Variants in ITIH2 observed in about 807,000 individuals in gnomAD.
ITIH2 encodes the protein inter-alpha-trypsin inhibitor heavy chain H2.
In ITIH2, 103 loss-of-function variants were observed where a neutral mutation model predicts 104.4. That is an observed-to-expected ratio of 0.99 (90% CI 0.84 to 1.16). ITIH2 has a LOEUF of 1.16. Among genes scored for constraint, ITIH2 ranks in the 50% most tolerant of loss-of-function variants. The probability of loss-of-function intolerance (pLI) is 0.00; values close to 1 mark genes in which losing one functional copy is unlikely to be tolerated. For missense variants in ITIH2, 1,108 were observed against 1,162.4 expected (o/e 0.95, Z 0.68); for synonymous variants, 436 against 435.4 (o/e 1.00, Z -0.02).
In ITIH2 at chr10:7,730,120, C is replaced by T. The variant is rs762030990; in HGVS notation, c.1448C>T (p.Ser483Phe). ...AGGATTTATGGAAACCAGGACACGT[C>T]TTCCCAGCTTAAGGTAACATTTTCT... is the stretch of plus-strand genomic sequence containing the variant. Reference protein sequence around the residue: ...AQRIYGNQDTSSQLKKFYNQV... With the variant: ...AQRIYGNQDTFSQLKKFYNQV... Residue 483 changes from serine to phenylalanine, a missense_variant, in exon 12 of 21, where the codon TCT becomes TTT. Coordinates refer to ENST00000358415, the MANE Select transcript of ITIH2 (RefSeq NM_002216.3). 1 of 1,597,484 alleles carries T rather than the reference C, an allele frequency of 6.3e-7. No individual in the cohort carries two copies. Among genetic ancestry groups the T allele is most frequent in the Admixed American group, 1.8e-5 (1 of 55,742 alleles).
intron 3 of ITIH2, 90 bp from the exon 4 acceptor site, chr10:7,708,932 T>G: frequency 9.4e-7 from 1 of 1,066,338 alleles, no homozygotes; most frequent in Non-Finnish European, 1.4e-6. Flanking sequence ...ACAAGTAAAA[T>G]GTAGTGTTGT....
At chr10:7,730,597 A>T (rs1038161680) in intron 12 of ITIH2, among the ~76,000 whole-genome samples, 23 of 152,166 alleles carry the variant, frequency 1.5e-4, no homozygotes, top group African/African-American at 5.3e-4. Context: ...AGGTGGGAGG[A>T]TCACTCGAGC....
rs759351588 is a variant in ITIH2 at position 7,731,816 on chromosome 10, C to T, written c.1467C>T (p.Phe489=). ...TCTCTCTCTGTGAATTGTAGAAATT[C>T]TACAACCAGGTCTCCACTCCATTGC... is the stretch of plus-strand genomic sequence containing the variant. ...NQDTSSQLKK[F]YNQVSTPLLR... The change falls in exon 13 of 21, where the codon TTC becomes TTT. Residue 489 remains phenylalanine, a synonymous_variant. Coordinates refer to ENST00000358415, the MANE Select transcript of ITIH2 (RefSeq NM_002216.3). The T allele has an allele frequency of 2.5e-6, 4 of 1,595,240 alleles. No individual in the cohort carries two copies. The Admixed American group carries it at 7.0e-5, about 28-fold the overall frequency.
rs1407631058 is a variant in ITIH2, at chr10:7,737,426, T to TATAC, written c.1958-1194_1958-1193insTACA. Among the ~76,000 whole-genome samples the TATAC allele has an allele frequency of 9.1e-3, 1,189 of 131,062 alleles. 17 individuals carry two copies. Among genetic ancestry groups the TATAC allele is most frequent in the African/African-American group, 0.032 (1,142 of 35,688 alleles). The allele number at this position is 131,062 out of a possible 152,430, so 86.0% of individuals were successfully genotyped here. ...TATCTCATATATATATATATATATA[T>TATAC]ACACGTGTATATATATATATAACAG... On this transcript the variant is annotated intron_variant, in intron 15 of 20. Coordinates refer to ENST00000358415, the MANE Select transcript of ITIH2 (RefSeq NM_002216.3).
At chr10:7,735,718 G>T (rs1319503608) in intron 15 of ITIH2, among the ~76,000 whole-genome samples, 5 of 145,724 alleles carry the variant, frequency 3.4e-5, no homozygotes, top group Admixed American at 6.9e-5. Flanking sequence ...TGTTTACCAG[G>T]CTGGAGCACA....
In ITIH2 at chr10:7,712,435, C is replaced by T. The variant is rs115817335; in HGVS notation, c.363-746C>T. The stretch of plus-strand genomic sequence containing the variant: ...TTGCGGGGAACATAAACATTCGGTC[C>T]ATTGCATACCCCACAGCGATGCCAA... On this transcript the variant is annotated intron_variant, in intron 4 of 20. Coordinates refer to ENST00000358415, the MANE Select transcript of ITIH2 (RefSeq NM_002216.3). Among the ~76,000 whole-genome samples, 808 of 152,288 alleles carry T rather than the reference C, an allele frequency of 5.3e-3. 12 individuals are homozygous for T. Among genetic ancestry groups the T allele is most frequent in the African/African-American group, 0.019 (786 of 41,552 alleles).
chr10:7,713,427 T>A (rs1443108661), intron 5 of ITIH2, 142 bp downstream of exon 5: 1 of 629,456 alleles, frequency 1.6e-6, no homozygotes, highest in Admixed American at 2.9e-5. Context: ...GATGTTAGAA[T>A]TAGGCACTGC....
intron 19 of ITIH2, 85 bp from the exon 20 acceptor site, chr10:7,746,508 C>G (rs534375895): frequency 6.9e-6 from 6 of 872,530 alleles, no homozygotes; most frequent in African/African-American, 1.7e-5. Context: ...GAGGGAGGAC[C>G]GAAAGGTAGC....
intron 15 of ITIH2, among the ~76,000 whole-genome samples, chr10:7,735,884 G>A (rs1588459445): frequency 1.3e-5 from 2 of 152,084 alleles, no homozygotes; most frequent in South Asian, 2.1e-4. Context: ...TGTTGGCCAG[G>A]CTGGTCTCGA....
In ITIH2 at chr10:7,721,699, C is replaced by A; in HGVS notation, c.789C>A (p.Asn263Lys). ...PTVAQQRICPNCRETAVDGEL... is the reference protein window; with the variant it reads ...PTVAQQRICPKCRETAVDGEL... ...TAGCACAGCAGAGAATATGCCCTAACTGCCGGGAGACTGCGGTAGATGGGG... is the reference window on the plus strand; with the variant it reads ...TAGCACAGCAGAGAATATGCCCTAAATGCCGGGAGACTGCGGTAGATGGGG... The change falls in exon 8 of 21, where the codon AAC (asparagine) becomes AAA (lysine). Residue 263 changes from asparagine (N) to lysine (K), a missense_variant. Physicochemically the swap from Asn to Lys is moderately conservative, Grantham distance 94 (BLOSUM62 0). Transcript: ENST00000358415. The A allele has an allele frequency of 6.2e-7, 1 of 1,613,800 alleles. No homozygotes were observed. Among genetic ancestry groups the A allele is most frequent in the Non-Finnish European group, 8.5e-7 (1 of 1,179,724 alleles).
chr10:7,731,149 C>A (rs1834998763), intron 12 of ITIH2, among the ~76,000 whole-genome samples: 1 of 152,076 alleles, frequency 6.6e-6, no homozygotes, highest in Admixed American at 6.5e-5. Flanking sequence ...AACTCCTGAA[C>A]TCAGGTGATC....
chr10:7,723,296 G>C (rs1434080315), intron 8 of ITIH2, among the ~76,000 whole-genome samples, 155 bp from the exon 9 acceptor site: 1 of 152,062 alleles, frequency 6.6e-6, no homozygotes, highest in East Asian at 1.9e-4. Context: ...GAGAGGAGGT[G>C]GGGGAGCAGG....
intron 15 of ITIH2, among the ~76,000 whole-genome samples, chr10:7,737,260 GA>G (rs1019890035): frequency 6.6e-6 from 1 of 151,254 alleles, no homozygotes; most frequent in Non-Finnish European, 1.5e-5. Context: ...GAGTCCTGCA[GA>G]AAGTATCCAG....
chr10:7,727,823 C>T lies in ITIH2; in HGVS notation c.1274C>T (p.Thr425Ile). ...LIILVSDGDP[T>I]VGELKLSKIQ... ...ATTTTGGTTTCTGATGGAGATCCAACAGTGGGCAAGTGTCACTTCAACCTT... is the reference window on the plus strand; with the variant it reads ...ATTTTGGTTTCTGATGGAGATCCAATAGTGGGCAAGTGTCACTTCAACCTT... The change falls in exon 11 of 21, where the codon ACA becomes ATA. Residue 425 changes from threonine to isoleucine, a missense_variant. Thr to Ile is a moderately conservative substitution (Grantham distance 89, BLOSUM62 -1). Transcript: ENST00000358415. 6.2e-7 allele frequency: 1 copy of T among 1,614,150 alleles called. No individual in the cohort carries two copies. The highest frequency in any genetic ancestry group is 8.5e-7 in the Non-Finnish European group (1 of 1,179,986).
intron 9 of ITIH2, among the ~76,000 whole-genome samples, chr10:7,726,111 G>A (rs554550727): frequency 6.6e-5 from 10 of 152,292 alleles, no homozygotes; most frequent in African/African-American, 2.2e-4. Flanking sequence ...TAGAGTGACA[G>A]GGATGAAAAC....
At chr10:7,743,020 G>C in intron 16 of ITIH2, 126 bp from the exon 17 acceptor site, 1 of 625,710 alleles carries the variant, frequency 1.6e-6, no homozygotes, top group East Asian at 2.8e-5. Flanking sequence ...GAGGAGTACC[G>C]AGCATGTAGG....
chr10:7,709,273 A>G, intron 4 of ITIH2, 82 bp downstream of exon 4: 1 of 1,296,544 alleles, frequency 7.7e-7, no homozygotes, highest in Non-Finnish European at 1.1e-6. Context: ...AATGGACTTT[A>G]GTGGTCAACT....
intron 9 of ITIH2, among the ~76,000 whole-genome samples, chr10:7,724,570 C>CAA (rs374923183): frequency 2.3e-4 from 12 of 51,864 alleles, no homozygotes; most frequent in South Asian, 7.3e-4. Flanking sequence ...AACTCCATCT[C>CAA]AAAAAAAAAA....
At position 7,744,718 on chromosome 10, in the gene ITIH2, AG is replaced by A. The variant is rs1276604197; in HGVS notation, c.2409-69del. ...CTGGGAGGAGTGAAGAGTTCATATTAGGGGTGAGAAGAATGACTTTCTCAAA... is the reference window on the plus strand; with the variant it reads ...CTGGGAGGAGTGAAGAGTTCATATTAGGGTGAGAAGAATGACTTTCTCAAA... On this transcript the variant is annotated intron_variant, in intron 18 of 20. Transcript: ENST00000358415. The A allele has an allele frequency of 3.2e-6, 4 of 1,266,656 alleles. No homozygotes were observed. The Admixed American group carries it at 6.7e-5, about 21-fold the overall frequency. 78.5% of individuals were successfully genotyped at this position (1,266,656 alleles called of 1,614,324 possible). A position where few individuals can be genotyped will look rare whatever the true frequency, so the allele number is the denominator to read the frequency against.
Sources: allele counts gnomAD v4.1 joint callset (sites outside exome capture counted in the v4.1 genomes callset), GRCh38; gene constraint gnomAD v4.1.1; transcripts MANE v1.5; gene names NCBI Gene and HGNC (gene_info 2026-07-23, HGNC 2026-07-21).